Variants in SAE1 observed in about 807,000 individuals in gnomAD.
SAE1 encodes SUMO-activating enzyme subunit 1.
A neutral mutation model predicts 40.6 loss-of-function variants in SAE1; 11 were observed. The observed-to-expected ratio is 0.27, with a 90% CI of 0.17 to 0.45. The LOEUF (loss-of-function observed/expected upper bound fraction) is 0.45, where lower values mean the gene tolerates loss of function less well. SAE1 is among the 20% of genes least tolerant of loss of function. SAE1 has a pLI of 1.00. For synonymous variants in SAE1, 155 were observed against 154.3 expected (o/e 1.00, Z -0.03); for missense variants, 373 against 427.3 (o/e 0.87, Z 1.12).
At chr19:47,191,777 C>T (rs1045634738) in intron 6 of SAE1, among the ~76,000 whole-genome samples, 53 of 152,010 alleles carry the variant, frequency 3.5e-4, no homozygotes, top group Non-Finnish European at 2.8e-4. Flanking sequence ...GGGAATAGGC[C>T]GGGCGCGGTG....
Position 47,197,374 on chromosome 19 carries a change from T to C in SAE1, c.875T>C (p.Val292Ala), listed in dbSNP as rs77274475. Reference protein sequence around the residue: ...ISPDLLPEDFVRYCFSEMAPV... With the variant: ...ISPDLLPEDFARYCFSEMAPV... ...CCTGACCTGCTTCCTGAGGACTTTG[T>C]CAGGTTGGTGTCAGTATTTATCACT... Residue 292 changes from valine (V) to alanine (A), a missense_variant, in exon 7 of 9, where the codon GTC becomes GCC. By Grantham distance (64) the Val-to-Ala change is moderately conservative. Coordinates refer to ENST00000270225, the MANE Select transcript of SAE1 (RefSeq NM_005500.3). 1,832 of 1,612,334 alleles carry C rather than the reference T, an allele frequency of 1.1e-3. 52 individuals carry two copies. In the East Asian group the frequency reaches 0.039, roughly 35 times the overall value.
Position 47,193,528 on chromosome 19 carries a change from A to T in SAE1, c.734-3705A>T, listed in dbSNP as rs1235500533. Among the ~76,000 whole-genome samples the T allele has an allele frequency of 7.3e-5, 11 of 151,022 alleles. No individual in the cohort carries two copies. The South Asian group carries it at 1.7e-3, about 23-fold the overall frequency. Reference sequence around the variant, plus strand: ...TTTCTTTTCTTTCCTTTTTTTTTTTAAAGAAATTACCAGCTGGGTGCTGTG... The same window carrying T: ...TTTCTTTTCTTTCCTTTTTTTTTTTTAAGAAATTACCAGCTGGGTGCTGTG... On this transcript the variant is annotated intron_variant, in intron 6 of 8. Coordinates refer to ENST00000270225, the MANE Select transcript of SAE1 (RefSeq NM_005500.3).
chr19:47,156,252 C>T (rs1201297840), intron 5 of SAE1, among the ~76,000 whole-genome samples: 1 of 150,802 alleles, frequency 6.6e-6, no homozygotes, highest in Non-Finnish European at 1.5e-5. Context: ...ACCTGGGCCA[C>T]CTAGCAAGAT....
At chr19:47,137,129 C>G (rs543803200) in intron 1 of SAE1, among the ~76,000 whole-genome samples, 2 of 152,196 alleles carry the variant, frequency 1.3e-5, no homozygotes, top group South Asian at 4.1e-4. Context: ...GTGACTCAGC[C>G]TGTAATCCCA....
intron 6 of SAE1, among the ~76,000 whole-genome samples, chr19:47,195,963 G>A (rs1355680629): frequency 6.6e-6 from 1 of 150,588 alleles, no homozygotes; most frequent in Non-Finnish European, 1.5e-5. Context: ...CAAACTCCTG[G>A]GCTCAAGCGA....
intron 3 of SAE1, 74 bp from the exon 4 acceptor site, chr19:47,152,824 G>C: frequency 7.0e-7 from 1 of 1,425,242 alleles, no homozygotes; most frequent in Non-Finnish European, 9.8e-7. Flanking sequence ...TGTTCATTAA[G>C]ATTTATTTAG....
At chr19:47,144,850 C>T (rs539450269) in intron 2 of SAE1, among the ~76,000 whole-genome samples, 9 of 152,204 alleles carry the variant, frequency 5.9e-5, no homozygotes, top group African/African-American at 2.2e-4. Flanking sequence ...TGTGTTTTTG[C>T]GAGACGAGTC....
intron 1 of SAE1, among the ~76,000 whole-genome samples, chr19:47,134,373 C>T (rs1271344953): frequency 6.6e-6 from 1 of 150,800 alleles, no homozygotes; most frequent in Non-Finnish European, 1.5e-5. Context: ...TTACCTCAGG[C>T]TCATTTCAGA....
At position 47,150,512 on chromosome 19, in the gene SAE1, C is replaced by G. The variant is rs2058281670; in HGVS notation, c.384+137C>G. On this transcript the variant is annotated intron_variant, in intron 3 of 8. Transcript: ENST00000270225. Reference sequence around the variant, plus strand: ...GCTTTTTCCCAAGAAAATGTATAAGCTGTTCTATTGTTTAGGCTTAGTATA... The same window carrying G: ...GCTTTTTCCCAAGAAAATGTATAAGGTGTTCTATTGTTTAGGCTTAGTATA... 1.0e-5 allele frequency: 7 copies of G among 694,444 alleles called. No individual in the cohort carries two copies. In the Admixed American group the frequency reaches 2.1e-4, roughly 21 times the overall value. The allele number at this position is 694,444 out of a possible 1,614,324, so 43.0% of individuals were successfully genotyped here. A position where few individuals can be genotyped will look rare whatever the true frequency, so the allele number is the denominator to read the frequency against.
intron 5 of SAE1, among the ~76,000 whole-genome samples, chr19:47,161,485 G>GT (rs2058359627): frequency 6.6e-6 from 1 of 152,040 alleles, no homozygotes; most frequent in African/African-American, 2.4e-5. Context: ...CCCTCACCAG[G>GT]TAAGTAACCC....
chr19:47,199,855 C>G (rs1441373701), intron 7 of SAE1, among the ~76,000 whole-genome samples: 1 of 152,010 alleles, frequency 6.6e-6, no homozygotes, highest in Non-Finnish European at 1.5e-5. Context: ...CAAGCCTGTA[C>G]AGTGTCATCA....
chr19:47,199,986 G>A (rs1387204101), intron 7 of SAE1, among the ~76,000 whole-genome samples: 2 of 151,270 alleles, frequency 1.3e-5, no homozygotes, highest in African/African-American at 2.4e-5. Context: ...GCTGGAGTGC[G>A]ATGGCATGAT....
chr19:47,190,501 C>G (rs572136320), intron 6 of SAE1, among the ~76,000 whole-genome samples: 2 of 152,272 alleles, frequency 1.3e-5, no homozygotes, highest in South Asian at 4.2e-4. Context: ...TAACTGGAGT[C>G]TGACCTTCGA....
intron 6 of SAE1, among the ~76,000 whole-genome samples, chr19:47,186,803 G>A (rs1422279001): frequency 6.6e-6 from 1 of 152,116 alleles, no homozygotes; most frequent in Admixed American, 6.6e-5. Flanking sequence ...GACTTTTGGA[G>A]CACAAAAAGG....
intron 1 of SAE1, among the ~76,000 whole-genome samples, chr19:47,132,264 GTTT>G (rs573334320): frequency 7.1e-6 from 1 of 140,632 alleles, no homozygotes; most frequent in African/African-American, 2.6e-5. Context: ...TGCCCAGCTT[GTTT>G]TTTTTTTTTT....
intron 8 of SAE1, among the ~76,000 whole-genome samples, chr19:47,207,663 G>A (rs962529664): frequency 6.6e-6 from 1 of 151,836 alleles, no homozygotes; most frequent in Non-Finnish European, 1.5e-5. Context: ...CCTCTCTCTC[G>A]CTCTCTGTTG....
chr19:47,173,297 C>T (rs1186845310), intron 6 of SAE1, among the ~76,000 whole-genome samples: 4 of 152,088 alleles, frequency 2.6e-5, no homozygotes, highest in African/African-American at 9.7e-5. Context: ...GCGCCCGGCC[C>T]AAAGTCTTGT....
rs1316653329 is a variant in SAE1 at position 47,209,705 on chromosome 19, G to A, written c.*454G>A. The stretch of plus-strand genomic sequence containing the variant: ...AGAGAAAAGTGTGAATTCAGGTGGA[G>A]AGTAGGCCCAGGCCCCATGAGGCAC... On this transcript the variant is annotated 3_prime_UTR_variant, in exon 9 of 9. Transcript: ENST00000270225. 2.4e-5 allele frequency: 4 copies of A among 164,938 alleles called. No individual in the cohort carries two copies. Among genetic ancestry groups the A allele is most frequent in the African/African-American group, 9.5e-5 (4 of 41,916 alleles). 10.2% of individuals were successfully genotyped at this position (164,938 alleles called of 1,614,324 possible).
intron 8 of SAE1, among the ~76,000 whole-genome samples, chr19:47,205,837 C>T (rs1424618153): frequency 2.0e-5 from 3 of 152,184 alleles, no homozygotes; most frequent in Non-Finnish European, 4.4e-5. Context: ...AAAGAAGATG[C>T]TTGCCCAGGC....
Sources: allele counts gnomAD v4.1 joint callset (sites outside exome capture counted in the v4.1 genomes callset), GRCh38; gene constraint gnomAD v4.1.1; transcripts MANE v1.5; gene names NCBI Gene and HGNC (gene_info 2026-07-23, HGNC 2026-07-21).